The following ABCA5 variants were observed in gnomAD, a reference collection of about 807,000 sequenced individuals.
ABCA5 encodes the protein cholesterol transporter ABCA5.
ABCA5 carries 163 observed loss-of-function variants against 206.0 expected under a neutral mutation model. The observed-to-expected ratio is 0.79, with a 90% CI of 0.70 to 0.90. The LOEUF (loss-of-function observed/expected upper bound fraction) is 0.90. ABCA5 is among the 40% of genes least tolerant of loss of function. The pLI, the probability that ABCA5 is intolerant of heterozygous loss-of-function variation, is 0.00. For synonymous variants in ABCA5, 609 were observed against 613.8 expected (o/e 0.99, Z 0.11); for missense variants, 1,859 against 1,912.9 (o/e 0.97, Z 0.53).
intron 6 of ABCA5, among the ~76,000 whole-genome samples, 159 bp from the exon 7 acceptor site, chr17:69,304,969 G>A (rs555204521): frequency 4.7e-4 from 13 of 27,478 alleles, no homozygotes; most frequent in African/African-American, 1.1e-3. Context: ...TAATAGTCTT[G>A]TAAGTAATTA....
chr17:69,307,053 A>C (rs2075725561), intron 5 of ABCA5, 99 bp from the exon 6 acceptor site: 6 of 663,148 alleles, frequency 9.0e-6, no homozygotes, highest in Non-Finnish European at 1.2e-5. Context: ...TCAGTAACCT[A>C]GTACAAATAC....
chr17:69,322,112 C>G (rs1261387189), intron 1 of ABCA5, among the ~76,000 whole-genome samples: 1 of 152,070 alleles, frequency 6.6e-6, no homozygotes, highest in African/African-American at 2.4e-5. Context: ...TGGTTCACGC[C>G]TGTAATCCCA....
At chr17:69,294,762 A>ATGTG in intron 10 of ABCA5, 49 bp from the exon 11 acceptor site, 2 of 1,255,000 alleles carry the variant, frequency 1.6e-6, no homozygotes, top group Non-Finnish European at 2.2e-6. Context: ...ATTTATAAGT[A>ATGTG]TGTGTGTTTA....
chr17:69,250,593 T>C lies in ABCA5; in HGVS notation c.4564A>G (p.Ser1522Gly). 1.3e-6 allele frequency: 2 copies of C among 1,597,424 alleles called. No individual in the cohort carries two copies. The highest frequency in any genetic ancestry group is 1.7e-6 in the Non-Finnish European group (2 of 1,174,136). ...AAAAAGTAGCCTTTTCCAAATTTAC[T>C]CTTTAGATGTTGTACTGTTCCGATA... is the stretch of plus-strand genomic sequence containing the variant. Reference protein sequence around the residue: ...RCIGTVQHLKSKFGKGYFLEI... With the variant: ...RCIGTVQHLKGKFGKGYFLEI... The change falls in exon 36 of 39, where the codon AGT becomes GGT. Residue 1522 changes from serine to glycine, a missense_variant. By Grantham distance (56) the Ser-to-Gly change is moderately conservative. Coordinates refer to ENST00000392676, the MANE Select transcript of ABCA5 (RefSeq NM_172232.4).
At position 69,302,790 on chromosome 17, in the gene ABCA5, T is replaced by C. The variant is rs200593671; in HGVS notation, c.1047A>G (p.Glu349=). The C allele has an allele frequency of 6.2e-7, 1 of 1,601,162 alleles. No homozygotes were observed. The highest frequency in any genetic ancestry group is 8.5e-7 in the Non-Finnish European group (1 of 1,176,732). The change falls in exon 8 of 39, where the codon GAA becomes GAG. Residue 349 remains glutamate, a synonymous_variant. Transcript: ENST00000392676. ...GFIGLMIILI[E]SFPKSLVWLF... ...GCCACACTAACGATTTGGGAAAACT[T>C]TCTATGAGGATTATCATAAGGCCAA...
At chr17:69,299,828 G>A (rs1430143083) in intron 9 of ABCA5, among the ~76,000 whole-genome samples, 1 of 151,876 alleles carries the variant, frequency 6.6e-6, no homozygotes, top group South Asian at 2.1e-4. Flanking sequence ...AACACCACCT[G>A]TTCCCCAAAA....
intron 1 of ABCA5, chr17:69,318,879 C>T: frequency 1.4e-6 from 1 of 700,362 alleles, no homozygotes. Context: ...GTGGAGATGG[C>T]AACTAGTGGG....
intron 9 of ABCA5, 93 bp downstream of exon 9, chr17:69,301,045 TG>T: frequency 8.5e-7 from 1 of 1,176,878 alleles, no homozygotes; most frequent in Non-Finnish European, 1.2e-6. Context: ...TAGGGTACCC[TG>T]GTTAGGAAAA....
At chr17:69,278,462 T>G (rs990027632) in intron 18 of ABCA5, among the ~76,000 whole-genome samples, 1 of 152,204 alleles carries the variant, frequency 6.6e-6, no homozygotes, top group Non-Finnish European at 1.5e-5. Flanking sequence ...AGCCTCAGGC[T>G]CAGTTTTCAG....
Position 69,313,279 on chromosome 17 carries a change from T to G in ABCA5, c.120A>C (p.Leu40=). ...KSSVQEILFP[L]FFLFWLILIS... ...TTAATATTAACCAAAATAAAAAAAA[T>G]AGTGGAAAAAGAATTTCCTACAATA... The change falls in exon 3 of 39, where the codon CTA becomes CTC. Residue 40 remains leucine (L), a synonymous_variant. Coordinates refer to ENST00000392676, the MANE Select transcript of ABCA5 (RefSeq NM_172232.4). The G allele has an allele frequency of 2.9e-6, 4 of 1,396,822 alleles. No individual in the cohort carries two copies. Among genetic ancestry groups the G allele is most frequent in the Non-Finnish European group, 4.0e-6 (4 of 1,011,986 alleles). 86.5% of individuals were successfully genotyped at this position (1,396,822 alleles called of 1,614,324 possible). A position where few individuals can be genotyped will look rare whatever the true frequency, so the allele number is the denominator to read the frequency against.
intron 18 of ABCA5, 87 bp from the exon 19 acceptor site, chr17:69,277,929 G>T: frequency 1.0e-6 from 1 of 995,828 alleles, no homozygotes. Context: ...AAGAAGCATT[G>T]GTCTGGCAGT....
Position 69,309,313 on chromosome 17 carries a change from G to A in ABCA5, c.418C>T (p.Arg140Cys), listed in dbSNP as rs1280114367. Reference sequence around the variant, plus strand: ...ACTGGAATCATATCAGGAAAAAAACGAAGTTCATAGGACATGGAGTCTTTG... The same window carrying A: ...ACTGGAATCATATCAGGAAAAAAACAAAGTTCATAGGACATGGAGTCTTTG... Reference protein sequence around the residue: ...VFKDSMSYELRFFPDMIPVSS... With the variant: ...VFKDSMSYELCFFPDMIPVSS... Residue 140 changes from arginine (R) to cysteine (C), a missense_variant, in exon 4 of 39, where the codon CGT (arginine) becomes TGT (cysteine). By Grantham distance (180) the Arg-to-Cys change is radical (BLOSUM62 -3). Transcript: ENST00000392676. The A allele has an allele frequency of 8.1e-6, 13 of 1,599,798 alleles. No individual in the cohort carries two copies. The highest frequency in any genetic ancestry group is 2.3e-5 in the East Asian group (1 of 44,146).
rs781411484 is a variant in ABCA5, at chr17:69,313,076, T to C, written c.307+16A>G. The stretch of plus-strand genomic sequence containing the variant: ...CTTAATATTATAAACAGAATATATA[T>C]ATAAGCTCACAATACCATCAGGTAG... On this transcript the variant is annotated intron_variant, in intron 3 of 38. Coordinates refer to ENST00000392676, the MANE Select transcript of ABCA5 (RefSeq NM_172232.4). 15 of 1,560,492 alleles carry C rather than the reference T, an allele frequency of 9.6e-6. No individual in the cohort carries two copies. The highest frequency in any genetic ancestry group is 3.7e-5 in the Admixed American group (2 of 53,938).
intron 22 of ABCA5, among the ~76,000 whole-genome samples, chr17:69,269,547 A>G (rs2075249092): frequency 6.6e-6 from 1 of 152,188 alleles, no homozygotes; most frequent in Non-Finnish European, 1.5e-5. Flanking sequence ...ACTCCTAATT[A>G]TATATCCAAG....
rs1030401646 is a variant in ABCA5, at chr17:69,254,248, T to C, written c.4244+67A>G. The C allele has an allele frequency of 4.1e-4, 542 of 1,334,878 alleles. 3 individuals carry two copies. The highest frequency in any genetic ancestry group is 3.8e-4 in the Middle Eastern group (2 of 5,218). The allele number at this position is 1,334,878 out of a possible 1,614,324, so 82.7% of individuals were successfully genotyped here. A position where few individuals can be genotyped will look rare whatever the true frequency, so the allele number is the denominator to read the frequency against. ...GTCCACAGAAATGCTTGTTATGAAA[T>C]TTTAAAAATATGAAATGCAAACCTT... On this transcript the variant is annotated intron_variant, in intron 32 of 38. Coordinates refer to ENST00000392676, the MANE Select transcript of ABCA5 (RefSeq NM_172232.4).
intron 1 of ABCA5, among the ~76,000 whole-genome samples, chr17:69,321,711 C>T (rs1416487970): frequency 6.6e-6 from 1 of 151,984 alleles, no homozygotes; most frequent in African/African-American, 2.4e-5. Flanking sequence ...TTTAACAAAG[C>T]CAATTCTTAG....
rs1044060028 is a variant in ABCA5 at position 69,308,189 on chromosome 17, C to G, written c.558+91G>C. 2.2e-5 allele frequency: 14 copies of G among 639,306 alleles called. No individual in the cohort carries two copies. In the African/African-American group the frequency reaches 2.6e-4, roughly 12 times the overall value. The allele number at this position is 639,306 out of a possible 1,614,324, so 39.6% of individuals were successfully genotyped here. ...TAGGTTACATATTTTGTACATTTGA[C>G]AGTAGTCAAACCAAATACTATTGTA... On this transcript the variant is annotated intron_variant, in intron 5 of 38. Coordinates refer to ENST00000392676, the MANE Select transcript of ABCA5 (RefSeq NM_172232.4).
At chr17:69,286,125 T>A (rs2075449049) in intron 16 of ABCA5, 88 bp from the exon 17 acceptor site, 2 of 1,550,244 alleles carry the variant, frequency 1.3e-6, no homozygotes, top group Non-Finnish European at 1.8e-6. Flanking sequence ...TTTAGTACCA[T>A]AAATGATGGT....
chr17:69,260,065 G>A (rs1017177460), intron 27 of ABCA5, among the ~76,000 whole-genome samples: 4 of 151,406 alleles, frequency 2.6e-5, no homozygotes, highest in Non-Finnish European at 4.4e-5. Flanking sequence ...AAATATAATC[G>A]AACACAAAAA....
Sources: gnomAD v4.1 joint callset for allele counts (sites outside exome capture counted in the v4.1 genomes callset) on GRCh38, gnomAD v4.1.1 for gene constraint, MANE v1.5 for transcripts, NCBI Gene and HGNC (gene_info 2026-07-23, HGNC 2026-07-21) for gene names.